Variants in PPFIA2 observed in about 807,000 individuals in gnomAD.
The protein encoded by PPFIA2 is PPFI scaffold protein A2.
In PPFIA2, 46 loss-of-function variants were observed where a neutral mutation model predicts 175.5. The observed-to-expected ratio is 0.26, with a 90% CI of 0.21 to 0.34. PPFIA2 has a LOEUF of 0.34. Among genes scored for constraint, PPFIA2 ranks in the 10% least tolerant of loss-of-function variants. PPFIA2 has a pLI of 1.00. For missense variants in PPFIA2, 1,179 were observed against 1,506.1 expected, an observed-to-expected ratio of 0.78 and a Z score of 3.60; for synonymous variants, 568 against 511.4, an observed-to-expected ratio of 1.11 and a Z score of -1.49.
chr12:81,425,832 A>C (rs1247044412), intron 7 of PPFIA2, among the ~76,000 whole-genome samples: 2 of 152,138 alleles, frequency 1.3e-5, no homozygotes, highest in African/African-American at 4.8e-5. Context: ...GAAAAATACC[A>C]TTTTGGCTTT....
intron 22 of PPFIA2, among the ~76,000 whole-genome samples, chr12:81,304,581 G>A (rs562690855): frequency 2.3e-4 from 35 of 152,280 alleles, no homozygotes; most frequent in East Asian, 1.7e-3. Context: ...AAACATGTAC[G>A]TTGAAAAGTG....
intron 4 of PPFIA2, among the ~76,000 whole-genome samples, chr12:81,479,955 T>C (rs183998351): frequency 6.6e-6 from 1 of 152,318 alleles, no homozygotes; most frequent in East Asian, 1.9e-4. Context: ...GTTTGGCCTG[T>C]CTTGCTAGGT....
intron 2 of PPFIA2, among the ~76,000 whole-genome samples, chr12:81,754,880 C>G (rs976765071): frequency 2.0e-5 from 3 of 151,954 alleles, no homozygotes; most frequent in African/African-American, 7.3e-5. Context: ...ATGCTCTCTC[C>G]CTGAATTCCT....
intron 11 of PPFIA2, among the ~76,000 whole-genome samples, chr12:81,371,665 A>G (rs2035131367): frequency 6.6e-6 from 1 of 151,832 alleles, no homozygotes; most frequent in South Asian, 2.1e-4. Context: ...GATACATTTT[A>G]TTGGTACTAG....
intron 4 of PPFIA2, chr12:81,598,101 TA>T: frequency 1.3e-6 from 2 of 1,531,114 alleles, no homozygotes; most frequent in South Asian, 2.4e-5. Context: ...AGCGTACAGA[TA>T]AATCCGTGCA....
chr12:81,592,851 G>C (rs575746967), intron 4 of PPFIA2, among the ~76,000 whole-genome samples: 1 of 151,322 alleles, frequency 6.6e-6, no homozygotes. Flanking sequence ...TGCATCCCAG[G>C]CTCAAGTGAT....
intron 21 of PPFIA2, 35 bp downstream of exon 21, chr12:81,339,145 G>C (rs2057621509): frequency 6.8e-7 from 1 of 1,479,514 alleles, no homozygotes; most frequent in Non-Finnish European, 9.0e-7. Context: ...ACTAAAATGA[G>C]TGGCAGTGGA....
intron 24 of PPFIA2, among the ~76,000 whole-genome samples, chr12:81,294,094 T>A (rs559544578): frequency 6.6e-6 from 1 of 152,126 alleles, no homozygotes; most frequent in African/African-American, 2.4e-5. Flanking sequence ...AAACAATGGG[T>A]ACATGTGGAC....
intron 4 of PPFIA2, among the ~76,000 whole-genome samples, chr12:81,675,231 T>TAG (rs3075479): frequency 6.6e-6 from 1 of 150,762 alleles, no homozygotes; most frequent in African/African-American, 2.4e-5. Context: ...CATATATATA[T>TAG]AGAGAGAGAG....
intron 21 of PPFIA2, among the ~76,000 whole-genome samples, chr12:81,331,512 G>A (rs2140033175): frequency 6.6e-6 from 1 of 152,196 alleles, no homozygotes; most frequent in African/African-American, 2.4e-5. Flanking sequence ...TTTTTATTAA[G>A]CCTATTATAG....
chr12:81,713,741 T>C (rs1469517090), intron 3 of PPFIA2, among the ~76,000 whole-genome samples: 1 of 151,272 alleles, frequency 6.6e-6, no homozygotes, highest in Non-Finnish European at 1.5e-5. Flanking sequence ...TATTGCTGTC[T>C]AATTTTACTC....
chr12:81,350,657 G>A (rs1434103762), intron 17 of PPFIA2, among the ~76,000 whole-genome samples: 1 of 152,184 alleles, frequency 6.6e-6, no homozygotes, highest in East Asian at 1.9e-4. Context: ...AAAAAGTGTG[G>A]TTGGTATCCT....
intron 3 of PPFIA2, among the ~76,000 whole-genome samples, chr12:81,721,124 C>T (rs2079272515): frequency 6.7e-6 from 1 of 148,788 alleles, no homozygotes; most frequent in African/African-American, 2.5e-5. Flanking sequence ...CTGCAGCTAT[C>T]AGAAACTACA....
At chr12:81,420,263 A>G (rs917115499) in intron 7 of PPFIA2, among the ~76,000 whole-genome samples, 10 of 152,276 alleles carry the variant, frequency 6.6e-5, no homozygotes, top group African/African-American at 2.4e-4. Flanking sequence ...ATGCATGTCT[A>G]TGAGAATATG....
intron 7 of PPFIA2, among the ~76,000 whole-genome samples, chr12:81,435,737 T>C (rs2048864546): frequency 6.6e-6 from 1 of 151,616 alleles, no homozygotes; most frequent in African/African-American, 2.4e-5. Context: ...TATATCAAGA[T>C]ATCATTCACA....
chr12:81,633,046 A>C (rs1302864550), intron 4 of PPFIA2, among the ~76,000 whole-genome samples: 3 of 152,084 alleles, frequency 2.0e-5, no homozygotes, highest in South Asian at 2.1e-4. Context: ...ATCACATTGA[A>C]TATTCATGCC....
At chr12:81,623,662 C>T (rs1324024041) in intron 4 of PPFIA2, among the ~76,000 whole-genome samples, 4 of 151,726 alleles carry the variant, frequency 2.6e-5, no homozygotes, top group Non-Finnish European at 4.4e-5. Flanking sequence ...TTCCTTAAAC[C>T]AGACACTTGA....
intron 4 of PPFIA2, among the ~76,000 whole-genome samples, chr12:81,646,646 G>T (rs368789875): frequency 6.6e-6 from 1 of 152,108 alleles, no homozygotes; most frequent in Admixed American, 6.5e-5. Flanking sequence ...TAACATAGGC[G>T]CAGTCCATAA....
At chr12:81,565,711 A>G (rs954748551) in intron 4 of PPFIA2, among the ~76,000 whole-genome samples, 15 of 152,348 alleles carry the variant, frequency 9.8e-5, no homozygotes, top group Admixed American at 5.2e-4. Flanking sequence ...GGAATCCTCA[A>G]ATAGATATTA....
Sources: allele counts gnomAD v4.1 joint callset (sites outside exome capture counted in the v4.1 genomes callset), GRCh38; gene constraint gnomAD v4.1.1; transcripts MANE v1.5; gene names NCBI Gene and HGNC (gene_info 2026-07-23, HGNC 2026-07-21).